HELB: variants seen among roughly 807,000 people sequenced by gnomAD.
HELB encodes DNA 5'-3' helicase B.
HELB carries 96 observed loss-of-function variants against 101.7 expected under a neutral mutation model. The ratio of observed to expected loss-of-function variants is 0.94; its 90% CI spans 0.80 to 1.12. HELB has a LOEUF of 1.12. Ranked by LOEUF, HELB falls within the 50% of genes most tolerant of loss-of-function variation. HELB has a pLI of 0.00. For missense variants in HELB, 1,210 were observed against 1,291.9 expected, an observed-to-expected ratio of 0.94 and a Z score of 0.97; for synonymous variants, 437 against 459.7, an observed-to-expected ratio of 0.95 and a Z score of 0.63.
At chr12:66,302,883 C>G (rs2053422582) in intron 1 of HELB, 93 bp downstream of exon 1, 1 of 1,135,308 alleles carries the variant, frequency 8.8e-7, no homozygotes, top group East Asian at 2.6e-5. Context: ...CCCAGTCGTG[C>G]TAACAGATTT....
chr12:66,321,001 G>A (rs572498427), intron 7 of HELB, among the ~76,000 whole-genome samples: 18 of 152,230 alleles, frequency 1.2e-4, no homozygotes, highest in South Asian at 2.1e-4. Context: ...TTCCTGTTCC[G>A]GAAGCCAGGG....
At position 66,309,993 on chromosome 12, in the gene HELB, C is replaced by G. The variant is rs1332243767; in HGVS notation, c.1065C>G (p.Asp355Glu). 3.1e-6 allele frequency: 5 copies of G among 1,614,174 alleles called. No individual in the cohort carries two copies. Among genetic ancestry groups the G allele is most frequent in the Non-Finnish European group, 4.2e-6 (5 of 1,180,036 alleles). Reference protein sequence around the residue: ...TYEKSCVFPYDLYHAERAIAF... With the variant: ...TYEKSCVFPYELYHAERAIAF... ...AGAAGTCCTGTGTCTTCCCTTATGA[C>G]CTTTACCATGCTGAAAGAGCCATCG... The change falls in exon 4 of 13, where the codon GAC becomes GAG. Residue 355 changes from aspartate to glutamate, a missense_variant. Coordinates refer to ENST00000247815, the MANE Select transcript of HELB (RefSeq NM_001370285.1).
At chr12:66,332,585 T>G (rs1251104305) in intron 12 of HELB, among the ~76,000 whole-genome samples, 1 of 152,200 alleles carries the variant, frequency 6.6e-6, no homozygotes, top group African/African-American at 2.4e-5. Context: ...GGAGTAAGTC[T>G]CAGTGTTGCA....
chr12:66,302,553 T>A lies in HELB; in HGVS notation c.-51T>A. ...AGAACTGATTGGCTGATCATGACCA[T>A]GCAGTTAGCCAGGGTTTTCCCGAGT... On this transcript the variant is annotated 5_prime_UTR_variant, in exon 1 of 13. An upstream start codon of the reference 5' UTR is lost. Transcript: ENST00000247815. 6.5e-7 allele frequency: 1 copy of A among 1,549,970 alleles called. No homozygotes were observed. Among genetic ancestry groups the A allele is most frequent in the South Asian group, 1.1e-5 (1 of 88,268 alleles).
At chr12:66,318,841 T>G (rs764306192) in intron 7 of HELB, 49 bp downstream of exon 7, 6 of 1,401,574 alleles carry the variant, frequency 4.3e-6, no homozygotes, top group Middle Eastern at 2.2e-4. Flanking sequence ...ACTATTTAAG[T>G]TTTGTAACAT....
Position 66,331,319 on chromosome 12 carries a change from C to T in HELB, c.2836C>T (p.Arg946Cys), listed in dbSNP as rs774433175. 3.1e-6 allele frequency: 5 copies of T among 1,614,054 alleles called. No individual in the cohort carries two copies. Among genetic ancestry groups the T allele is most frequent in the Admixed American group, 1.7e-5 (1 of 59,992 alleles). Reference sequence around the variant, plus strand: ...GAAAAACAGTTTTCCTAGAAAAACTCGTTTGAAACATTTCTTGCAAAGTAA... The same window carrying T: ...GAAAAACAGTTTTCCTAGAAAAACTTGTTTGAAACATTTCTTGCAAAGTAA... ...IMKNSFPRKT[R>C]LKHFLQSKLS... Residue 946 changes from arginine to cysteine, a missense_variant, in exon 12 of 13, where the codon CGT (arginine) becomes TGT (cysteine). Physicochemically the swap from Arg to Cys is radical, Grantham distance 180. Around this residue, in one of 2 missense-constraint regions of HELB, gnomAD observed 740 missense variants for 728.8 expected, o/e 1.02. Transcript: ENST00000247815.
At chr12:66,308,102 T>A (rs7315366) in intron 3 of HELB, among the ~76,000 whole-genome samples, 188 of 150,970 alleles carry the variant, frequency 1.2e-3, no homozygotes, top group Non-Finnish European at 2.1e-3. Flanking sequence ...ATTTTCTGCC[T>A]TCTGGATTAA....
At chr12:66,329,696 G>T (rs1159290460) in intron 11 of HELB, among the ~76,000 whole-genome samples, 1 of 152,068 alleles carries the variant, frequency 6.6e-6, no homozygotes, top group Admixed American at 6.6e-5. Context: ...GATGGATTGG[G>T]CAAGAGAAGG....
At chr12:66,309,502 T>G (rs1389642315) in intron 3 of HELB, among the ~76,000 whole-genome samples, 2 of 152,178 alleles carry the variant, frequency 1.3e-5, no homozygotes, top group South Asian at 2.1e-4. Context: ...TGTGTGTTAG[T>G]GTGATAAAAT....
At chr12:66,335,638 A>G (rs192406829) in intron 12 of HELB, among the ~76,000 whole-genome samples, 3 of 152,332 alleles carry the variant, frequency 2.0e-5, no homozygotes, top group African/African-American at 7.2e-5. Context: ...GAATGGTCCA[A>G]TGGAGAACCA....
chr12:66,302,586 G>C lies in HELB; in HGVS notation c.-18G>C, dbSNP rs370796706. ...GCCAGGGTTTTCCCGAGTTGTTTGG[G>C]TTGAGTTCAGGAGAAGCATGGCCAG... is the stretch of plus-strand genomic sequence containing the variant. On this transcript the variant is annotated 5_prime_UTR_variant, in exon 1 of 13. Coordinates refer to ENST00000247815, the MANE Select transcript of HELB (RefSeq NM_001370285.1). The C allele has an allele frequency of 4.8e-4, 770 of 1,607,492 alleles. No homozygotes were observed. The highest frequency in any genetic ancestry group is 6.2e-4 in the Non-Finnish European group (728 of 1,174,760).
chr12:66,334,471 G>GAAAAAAAAAAAAAAAA (rs34530283), intron 12 of HELB, among the ~76,000 whole-genome samples: 1 of 109,510 alleles, frequency 9.1e-6, no homozygotes. Context: ...CAAAAAAAAA[G>GAAAAAAAAAAAAAAAA]AAAAAAAAAA....
chr12:66,310,211 T>C lies in HELB; in HGVS notation c.1283T>C (p.Ile428Thr), dbSNP rs1270819076. 6.2e-7 allele frequency: 1 copy of C among 1,614,132 alleles called. No homozygotes were observed. Among genetic ancestry groups the C allele is most frequent in the South Asian group, 1.1e-5 (1 of 91,078 alleles). Residue 428 changes from isoleucine (I) to threonine (T), a missense_variant, in exon 4 of 13, where the codon ATT becomes ACT. This residue lies in a region of HELB where 470 missense variants were observed against 563.1 expected (regional missense o/e 0.83). Transcript: ENST00000247815. ...GACACACAGGACAATGGTGACCATA[T>C]TTGGACTAATGGTGAAAATGAAATT... ...VVDTQDNGDHIWTNGENEINA... is the reference protein window; with the variant it reads ...VVDTQDNGDHTWTNGENEINA...
intron 12 of HELB, among the ~76,000 whole-genome samples, chr12:66,337,309 C>T (rs1041389966): frequency 2.6e-5 from 4 of 152,118 alleles, no homozygotes; most frequent in African/African-American, 9.7e-5. Context: ...ATAGAATTTC[C>T]ATCTCAGGAA....
rs915427876 is a variant in HELB at position 66,302,844 on chromosome 12, C to T, written c.187+54C>T. ...GGTTGGAGGGTCCAAAGTAGCGCTT[C>T]CCATTCTGGCTTTGCCCTGAGCAAG... On this transcript the variant is annotated intron_variant, in intron 1 of 12. Transcript: ENST00000247815. 6 of 1,481,104 alleles carry T rather than the reference C, an allele frequency of 4.1e-6. No individual in the cohort carries two copies. In the African/African-American group the frequency reaches 4.2e-5, roughly 10 times the overall value. The allele number at this position is 1,481,104 out of a possible 1,614,324, so 91.7% of individuals were successfully genotyped here. A position where few individuals can be genotyped will look rare whatever the true frequency, so the allele number is the denominator to read the frequency against.
rs2053520948 is a variant in HELB, at chr12:66,309,918, T to C, written c.990T>C (p.Ala330=). The part of the protein sequence containing the change: ...LTLSNHMSFH[A]ASESLKFLKD... ...TGTCAAATCATATGTCATTTCATGC[T>C]GCTTCAGAGTCTCTGAAGTTTTTGA... Residue 330 remains alanine (A), a synonymous_variant, in exon 4 of 13, where the codon GCT becomes GCC. Transcript: ENST00000247815. The C allele has an allele frequency of 1.2e-6, 2 of 1,613,964 alleles. No individual in the cohort carries two copies. Among genetic ancestry groups the C allele is most frequent in the East Asian group, 2.2e-5 (1 of 44,896 alleles).
Position 66,338,191 on chromosome 12 carries a change from T to C in HELB, c.*89T>C, listed in dbSNP as rs2053887483. On this transcript the variant is annotated 3_prime_UTR_variant, in exon 13 of 13. Transcript: ENST00000247815. ...GTCAAAGTACCAAGATAAAAAAAGT[T>C]TCCTATAACTGGAGTTTTAAGGTAT... The C allele has an allele frequency of 1.3e-6, 1 of 765,536 alleles. No individual in the cohort carries two copies. The highest frequency in any genetic ancestry group is 2.4e-5 in the Admixed American group (1 of 41,294). 47.4% of individuals were successfully genotyped at this position (765,536 alleles called of 1,614,324 possible). A position where few individuals can be genotyped will look rare whatever the true frequency, so the allele number is the denominator to read the frequency against.
intron 11 of HELB, 23 bp downstream of exon 11, chr12:66,325,149 C>T (rs1482251875): frequency 2.6e-6 from 4 of 1,514,086 alleles, no homozygotes; most frequent in East Asian, 2.3e-5. Context: ...TTTTATCAAA[C>T]CTTTTAAATA....
intron 11 of HELB, among the ~76,000 whole-genome samples, chr12:66,327,035 C>CAAAAAAAAAAAAAAAA (rs756031862): frequency 4.8e-5 from 2 of 41,704 alleles, no homozygotes; most frequent in Non-Finnish European, 7.9e-5. Flanking sequence ...GACTTCATCT[C>CAAAAAAAAAAAAAAAA]AAAAAAAAAA....
Sources: allele counts gnomAD v4.1 joint callset (sites outside exome capture counted in the v4.1 genomes callset), GRCh38; gene constraint gnomAD v4.1.1; regional missense constraint gnomAD v4.1.1; transcripts MANE v1.5; gene names NCBI Gene and HGNC (gene_info 2026-07-23, HGNC 2026-07-21).